CDKAL1: variants seen among roughly 807,000 people sequenced by gnomAD.
CDKAL1 encodes CDKAL1 threonylcarbamoyladenosine tRNA methylthiotransferase.
In CDKAL1, 32 loss-of-function variants were observed where a neutral mutation model predicts 68.2. The ratio of observed to expected loss-of-function variants is 0.47; its 90% CI spans 0.35 to 0.63. The LOEUF (loss-of-function observed/expected upper bound fraction) is 0.63. Ranked by LOEUF, CDKAL1 falls within the 30% of genes least tolerant of loss-of-function variation. CDKAL1 has a pLI of 0.00. For synonymous variants in CDKAL1, 234 were observed against 244.3 expected (o/e 0.96, Z 0.39); for missense variants, 606 against 696.7 (o/e 0.87, Z 1.47).
At chr6:20,548,821 A>G (rs1431627670) in intron 4 of CDKAL1, 116 bp downstream of exon 4, 1 of 555,484 alleles carries the variant, frequency 1.8e-6, no homozygotes, top group Non-Finnish European at 3.2e-6. Context: ...AAGGTGAAAC[A>G]GATAGTTATT....
Position 21,091,146 on chromosome 6 carries a change from C to G in CDKAL1, c.1237-17255C>G, listed in dbSNP as rs188072306. On this transcript the variant is annotated intron_variant, in intron 12 of 15. Transcript: ENST00000274695. ...TTTAGAAGGAAAGATTAAGACAGAT[C>G]TAGTTTCATTGTCTCTCAAATCCTG... Among the ~76,000 whole-genome samples, 74 of 152,292 alleles carry G rather than the reference C, an allele frequency of 4.9e-4. 1 individual carries two copies. The highest frequency in any genetic ancestry group is 1.7e-3 in the African/African-American group (70 of 41,552).
At chr6:21,030,868 T>C (rs1769246471) in intron 11 of CDKAL1, among the ~76,000 whole-genome samples, 2 of 152,206 alleles carry the variant, frequency 1.3e-5, no homozygotes, top group Admixed American at 1.3e-4. Context: ...TGATTCACTC[T>C]TCTGGCCCAT....
intron 4 of CDKAL1, 34 bp downstream of exon 4, chr6:20,548,739 A>G (rs1481258762): frequency 5.1e-6 from 5 of 972,562 alleles, no homozygotes; most frequent in Non-Finnish European, 7.9e-6. Context: ...TATTGATTAA[A>G]TTTTTCAGAA....
At chr6:21,102,607 G>T (rs1455274914) in intron 12 of CDKAL1, among the ~76,000 whole-genome samples, 10 of 152,016 alleles carry the variant, frequency 6.6e-5, no homozygotes, top group African/African-American at 2.4e-4. Context: ...TGGCTCTTTC[G>T]GCCCTTTTGC....
At chr6:20,865,365 C>A (rs1302116169) in intron 9 of CDKAL1, among the ~76,000 whole-genome samples, 1 of 152,098 alleles carries the variant, frequency 6.6e-6, no homozygotes, top group South Asian at 2.1e-4. Context: ...AGTGGAATTG[C>A]CATCACAATG....
intron 12 of CDKAL1, among the ~76,000 whole-genome samples, chr6:21,083,639 A>G (rs891496696): frequency 6.6e-6 from 1 of 152,214 alleles, no homozygotes; most frequent in African/African-American, 2.4e-5. Context: ...TACAGTTTAT[A>G]TTCTAATTTT....
chr6:21,055,531 C>G (rs1339978243), intron 11 of CDKAL1, among the ~76,000 whole-genome samples: 1 of 152,068 alleles, frequency 6.6e-6, no homozygotes. Context: ...GGTACTCTTC[C>G]CCACCTCAAC....
chr6:21,113,053 G>T (rs1400164690), intron 13 of CDKAL1, among the ~76,000 whole-genome samples: 2 of 152,132 alleles, frequency 1.3e-5, no homozygotes, highest in African/African-American at 4.8e-5. Flanking sequence ...CATCCTAAAT[G>T]AAAGCAAGGA....
chr6:20,598,582 G>A (rs944419910), intron 4 of CDKAL1, among the ~76,000 whole-genome samples: 24 of 152,066 alleles, frequency 1.6e-4, no homozygotes, highest in African/African-American at 5.8e-4. Flanking sequence ...CATAAATGAT[G>A]GCCTATTGAG....
At chr6:20,574,699 T>A (rs1406664383) in intron 4 of CDKAL1, among the ~76,000 whole-genome samples, 1 of 152,116 alleles carries the variant, frequency 6.6e-6, no homozygotes. Flanking sequence ...TATTTTTGTT[T>A]GGGGCTCTTG....
At chr6:20,654,033 C>T (rs1232543352) in intron 5 of CDKAL1, among the ~76,000 whole-genome samples, 1 of 152,116 alleles carries the variant, frequency 6.6e-6, no homozygotes, top group African/African-American at 2.4e-5. Context: ...AGGCATGAGC[C>T]ACCGCGCCTA....
At chr6:21,225,179 G>A (rs1380233892) in intron 15 of CDKAL1, among the ~76,000 whole-genome samples, 2 of 152,174 alleles carry the variant, frequency 1.3e-5, no homozygotes, top group Non-Finnish European at 2.9e-5. Flanking sequence ...GACAAGACGA[G>A]CAGGCCCACA....
At chr6:21,181,126 C>T (rs368783909) in intron 13 of CDKAL1, among the ~76,000 whole-genome samples, 2 of 152,110 alleles carry the variant, frequency 1.3e-5, no homozygotes, top group African/African-American at 4.8e-5. Context: ...GCCACACTCA[C>T]CTTTATAAAA....
chr6:21,039,980 G>T (rs1318706377), intron 11 of CDKAL1, among the ~76,000 whole-genome samples: 1 of 152,126 alleles, frequency 6.6e-6, no homozygotes, highest in Non-Finnish European at 1.5e-5. Context: ...ACAGCCCCCT[G>T]GTGCAACCCT....
intron 15 of CDKAL1, among the ~76,000 whole-genome samples, chr6:21,225,041 C>CAGG (rs1008624342): frequency 1.4e-4 from 22 of 152,182 alleles, no homozygotes; most frequent in East Asian, 5.8e-4. Context: ...TCCTAGGTAC[C>CAGG]AGGTCCTGGG....
intron 11 of CDKAL1, among the ~76,000 whole-genome samples, chr6:21,032,494 C>T (rs1769349707): frequency 6.6e-6 from 1 of 152,206 alleles, no homozygotes; most frequent in Admixed American, 6.6e-5. Context: ...GATTATAATA[C>T]CTATTCTTAC....
intron 13 of CDKAL1, among the ~76,000 whole-genome samples, chr6:21,173,202 T>A (rs1182832859): frequency 6.6e-6 from 1 of 151,994 alleles, no homozygotes; most frequent in Non-Finnish European, 1.5e-5. Flanking sequence ...TTTTTATATT[T>A]TATATTTTTG....
At chr6:20,880,238 T>C (rs1760739800) in intron 9 of CDKAL1, among the ~76,000 whole-genome samples, 1 of 147,046 alleles carries the variant, frequency 6.8e-6, no homozygotes, top group Non-Finnish European at 1.5e-5. Context: ...CTTTTTTTAT[T>C]CCATCAAAGA....
At chr6:20,591,230 TTCTTTGTAGA>T (rs1440562626) in intron 4 of CDKAL1, among the ~76,000 whole-genome samples, 2 of 152,216 alleles carry the variant, frequency 1.3e-5, no homozygotes, top group African/African-American at 4.8e-5. Flanking sequence ...TTTGTTTAAG[TTCTTTGTAGA>T]TTCTGGATAT....
Sources: allele counts gnomAD v4.1 joint callset (sites outside exome capture counted in the v4.1 genomes callset), GRCh38; gene constraint gnomAD v4.1.1; transcripts MANE v1.5; gene names NCBI Gene and HGNC (gene_info 2026-07-23, HGNC 2026-07-21).